The following LINGO1 variants were observed in gnomAD, a reference collection of about 807,000 sequenced individuals.
LINGO1 encodes leucine rich repeat and Ig domain containing 1, also known as leucine-rich repeat and immunoglobulin-like domain-containing nogo receptor-interacting protein 1.
A neutral mutation model predicts 37.3 loss-of-function variants in LINGO1; 11 were observed. The ratio of observed to expected loss-of-function variants is 0.29; its 90% CI spans 0.19 to 0.49. The LOEUF is 0.49. LINGO1 is among the 20% of genes least tolerant of loss of function. LINGO1 has a pLI of 0.99. For missense variants in LINGO1, 585 were observed against 878.2 expected (o/e 0.67, Z 4.22); for synonymous variants, 387 against 403.0 (o/e 0.96, Z 0.48).
At chr15:77,760,171 G>C (rs904153653) in intron 1 of LINGO1, among the ~76,000 whole-genome samples, 1 of 152,184 alleles carries the variant, frequency 6.6e-6, no homozygotes, top group Non-Finnish European at 1.5e-5. Flanking sequence ...TCTCTCCTCC[G>C]TGGTGAAGGT....
At position 77,783,833 on chromosome 15, in the gene LINGO1, T is replaced by C. The variant is rs376453135; in HGVS notation, c.-257+3036A>G. ...CTGACTCAGGAGCCAGTGCTTTTTT[T>C]CCTCGGTGCTGGACCCACTCCAGCC... is the stretch of plus-strand genomic sequence containing the variant. On this transcript the variant is annotated intron_variant, in intron 1 of 3. Transcript: ENST00000561686. Among the ~76,000 whole-genome samples, 5 of 152,306 alleles carry C rather than the reference T, an allele frequency of 3.3e-5. 1 individual carries two copies. The East Asian group carries it at 9.7e-4, about 30-fold the overall frequency.
chr15:77,794,289 T>C lies in LINGO1; in HGVS notation c.-343+1650A>G, dbSNP rs527460178. Among the ~76,000 whole-genome samples, 4 of 96,968 alleles carry C rather than the reference T, an allele frequency of 4.1e-5. No individual in the cohort carries two copies. In the South Asian group the frequency reaches 8.5e-4, roughly 21 times the overall value. 63.6% of individuals were successfully genotyped at this position (96,968 alleles called of 152,430 possible). On this transcript the variant is annotated intron_variant, in intron 2 of 5. Transcript: ENST00000562933. ...GCAGAAACATATACATATATATATA[T>C]GTATGTATATATATACATATATGTG...
rs558970804 is a variant in LINGO1 at position 77,623,794 on chromosome 15, C to T, written c.7-7894G>A. Among the ~76,000 whole-genome samples the T allele has an allele frequency of 3.3e-5, 5 of 152,110 alleles. No individual in the cohort carries two copies. The East Asian group carries it at 5.8e-4, about 18-fold the overall frequency. On this transcript the variant is annotated intron_variant, in intron 1 of 1. Transcript: ENST00000355300. ...TAATTCTTTATCTTCCTCTTGCTCT[C>T]GGTTCTGGCAAAAAGTTGTTGGGCC...
rs1404004145 is a variant in LINGO1 at position 77,614,529 on chromosome 15, A to C, written c.1378T>G (p.Ser460Ala). 2.5e-6 allele frequency: 4 copies of C among 1,611,140 alleles called. No homozygotes were observed. Among genetic ancestry groups the C allele is most frequent in the Non-Finnish European group, 3.4e-6 (4 of 1,179,654 alleles). The change falls in exon 2 of 2, where the codon TCA becomes GCA. Residue 460 changes from serine to alanine, a missense_variant. Ser to Ala is a moderately conservative substitution (Grantham distance 99). This residue lies in a region of LINGO1 where 484 missense variants were observed against 735.0 expected (regional missense o/e 0.66). Transcript: ENST00000355300. ...GCTGAGACCAGGTGCTTTCGGGGTG[A>C]GAGCCAGAGGATGGCGGGCGGCGGG... is the stretch of plus-strand genomic sequence containing the variant. ...GDPPPAILWLSPRKHLVSAKS... is the reference protein window; with the variant it reads ...GDPPPAILWLAPRKHLVSAKS...
chr15:77,664,348 G>A (rs927763617), intron 3 of LINGO1, among the ~76,000 whole-genome samples: 11 of 152,132 alleles, frequency 7.2e-5, no homozygotes, highest in Non-Finnish European at 1.6e-4. Flanking sequence ...GCTGGGGCCT[G>A]GCCTTGCCAC....
chr15:77,669,901 T>A lies in LINGO1; in HGVS notation c.-13+7188A>T, dbSNP rs116185784. Among the ~76,000 whole-genome samples, 790 of 152,290 alleles carry A rather than the reference T, an allele frequency of 5.2e-3. 8 individuals are homozygous for A. The highest frequency in any genetic ancestry group is 0.018 in the African/African-American group (761 of 41,550). ...AATTGAAAACACTTGTGCACAAATATTCATAGCAGCATTATTCATAAGAGC... is the reference window on the plus strand; with the variant it reads ...AATTGAAAACACTTGTGCACAAATAATCATAGCAGCATTATTCATAAGAGC... On this transcript the variant is annotated intron_variant, in intron 3 of 3. Transcript: ENST00000559893.
Position 77,760,916 on chromosome 15 carries a change from C to CTTTTTTTTTTTTT in LINGO1, c.-256-25876_-256-25864dup, listed in dbSNP as rs34524098. Among the ~76,000 whole-genome samples, 7 of 96,400 alleles carry CTTTTTTTTTTTTT rather than the reference C, an allele frequency of 7.3e-5. 1 individual carries two copies. The highest frequency in any genetic ancestry group is 3.4e-4 in the African/African-American group (7 of 20,502). The allele number at this position is 96,400 out of a possible 152,430, so 63.2% of individuals were successfully genotyped here. On this transcript the variant is annotated intron_variant, in intron 1 of 3. Transcript: ENST00000561686. Reference sequence around the variant, plus strand: ...TTTTGTTGTGATTGTTAATAAGTATCTTTTTTTTTTTTTTTTTTTTTTTTT... The same window carrying CTTTTTTTTTTTTT: ...TTTTGTTGTGATTGTTAATAAGTATCTTTTTTTTTTTTTTTTTTTTTTTTTTTTTTTTTTTTTT...
intron 3 of LINGO1, among the ~76,000 whole-genome samples, chr15:77,655,649 A>G (rs570595160): frequency 6.6e-6 from 1 of 152,216 alleles, no homozygotes; most frequent in Non-Finnish European, 1.5e-5. Flanking sequence ...AGGTACCACC[A>G]TACCCATCTT....
intron 3 of LINGO1, chr15:77,652,334 T>A (rs1350788478): frequency 6.6e-6 from 1 of 151,320 alleles, no homozygotes. Context: ...AGAAGGGGGG[T>A]CTGTTCCCAG....
At chr15:77,817,455 G>A (rs181516363) in intron 1 of LINGO1, among the ~76,000 whole-genome samples, 120 of 152,294 alleles carry the variant, frequency 7.9e-4, no homozygotes, top group African/African-American at 2.8e-3. Flanking sequence ...CAGGTTGGGC[G>A]GGAGTGATTC....
At chr15:77,793,757 G>A (rs1212794978) in intron 2 of LINGO1, among the ~76,000 whole-genome samples, 4 of 152,178 alleles carry the variant, frequency 2.6e-5, no homozygotes, top group African/African-American at 7.2e-5. Context: ...ATCTTGGTAT[G>A]GGATTAAGTG....
At chr15:77,768,403 C>T (rs755648311) in intron 1 of LINGO1, among the ~76,000 whole-genome samples, 1 of 152,226 alleles carries the variant, frequency 6.6e-6, no homozygotes. Flanking sequence ...TTTTCGAGTG[C>T]CTCCTGCGTC....
chr15:77,621,657 A>G (rs1369256324), intron 1 of LINGO1, among the ~76,000 whole-genome samples: 2 of 152,162 alleles, frequency 1.3e-5, no homozygotes, highest in East Asian at 3.9e-4. Flanking sequence ...AGCTACACCC[A>G]GGCATCTGCC....
At chr15:77,647,787 TCTTTC>T in intron 3 of LINGO1, 1 of 450,348 alleles carries the variant, frequency 2.2e-6, no homozygotes, top group Non-Finnish European at 4.5e-6. Flanking sequence ...CTCTCTCTCT[TCTTTC>T]CTTGTCTCTC....
intron 2 of LINGO1, among the ~76,000 whole-genome samples, chr15:77,731,247 A>G (rs2076152302): frequency 6.6e-6 from 1 of 152,134 alleles, no homozygotes; most frequent in Non-Finnish European, 1.5e-5. Context: ...CCAGGTGCCA[A>G]TACTGTAGGA....
At position 77,777,508 on chromosome 15, in the gene LINGO1, A is replaced by G. The variant is rs549085613; in HGVS notation, c.-257+9361T>C. ...ACACACACACACACACACACAGCTCAGAACACAGTGCGAGTGCACGCCATT... is the reference window on the plus strand; with the variant it reads ...ACACACACACACACACACACAGCTCGGAACACAGTGCGAGTGCACGCCATT... On this transcript the variant is annotated intron_variant, in intron 1 of 3. Coordinates refer to the LINGO1 transcript ENST00000561686. Among the ~76,000 whole-genome samples the G allele has an allele frequency of 2.0e-5, 3 of 149,636 alleles. No homozygotes were observed. The East Asian group carries it at 6.1e-4, about 30-fold the overall frequency.
intron 3 of LINGO1, chr15:77,651,779 T>C (rs1269465076): frequency 1.3e-5 from 2 of 152,224 alleles, no homozygotes; most frequent in East Asian, 3.9e-4. Flanking sequence ...TCTGGGGCAG[T>C]GCATGGCTGA....
At chr15:77,754,746 G>T (rs2076403711) in intron 1 of LINGO1, among the ~76,000 whole-genome samples, 1 of 152,226 alleles carries the variant, frequency 6.6e-6, no homozygotes, top group Non-Finnish European at 1.5e-5. Context: ...GCTGCCCTTT[G>T]TGCCCCACAG....
chr15:77,651,097 G>T (rs2074749443), intron 3 of LINGO1, among the ~76,000 whole-genome samples: 1 of 152,168 alleles, frequency 6.6e-6, no homozygotes, highest in South Asian at 2.1e-4. Context: ...ACGCATTTGG[G>T]TGCACAGGCA....
Sources: gnomAD v4.1 joint callset for allele counts (sites outside exome capture counted in the v4.1 genomes callset) on GRCh38, gnomAD v4.1.1 for gene constraint, gnomAD v4.1.1 regional missense constraint, MANE v1.5 for transcripts, NCBI Gene and HGNC (gene_info 2026-07-23, HGNC 2026-07-21) for gene names.